The following TPM4 variants were observed in gnomAD, a reference collection of about 807,000 sequenced individuals.
TPM4 encodes the protein tropomyosin alpha-4 chain.
In TPM4, 17 loss-of-function variants were observed where a neutral mutation model predicts 35.8. The observed-to-expected ratio is 0.47, with a 90% CI of 0.32 to 0.71. The LOEUF (loss-of-function observed/expected upper bound fraction) is 0.71. TPM4 is among the 30% of genes least tolerant of loss of function. The pLI, the probability that TPM4 is intolerant of heterozygous loss-of-function variation, is 0.03. For synonymous variants in TPM4, 120 were observed against 122.9 expected (o/e 0.98, Z 0.15); for missense variants, 240 against 320.9 (o/e 0.75, Z 1.93).
At chr19:16,082,715 G>A (rs994564304) in intron 2 of TPM4, among the ~76,000 whole-genome samples, 2 of 152,072 alleles carry the variant, frequency 1.3e-5, no homozygotes, top group Non-Finnish European at 2.9e-5. Context: ...AGGTAGGCCG[G>A]ATGCAGTGAT....
chr19:16,074,007 TA>T (rs111848784), upstream of TPM4, among the ~76,000 whole-genome samples: 46,405 of 106,176 alleles, frequency 0.44, 9,100 homozygotes, highest in East Asian at 0.52. Context: ...AAGATCAGGT[TA>T]AAAAAAAAAA....
chr19:16,090,512 C>T (rs1367252856), intron 5 of TPM4, among the ~76,000 whole-genome samples: 1 of 151,872 alleles, frequency 6.6e-6, no homozygotes, highest in Non-Finnish European at 1.5e-5. Context: ...CCTTGGCCTC[C>T]CAAAGTGCTG....
At chr19:16,100,644 A>T (rs1036141274) in intron 7 of TPM4, 2 of 152,344 alleles carry the variant, frequency 1.3e-5, no homozygotes, top group South Asian at 2.1e-4. Context: ...ACATGGTGAG[A>T]CCCTGTCTCT....
chr19:16,070,370 A>G lies in TPM4; in HGVS notation c.114+2632A>G, dbSNP rs1187969000. On this transcript the variant is annotated intron_variant, in intron 2 of 2. Transcript: ENST00000589897. The surrounding 1 kb of genome is among the most constrained non-coding windows in gnomAD (Gnocchi z 7.4). ...CCCCTCCCACAGAGCCATGTTCCCC[A>G]CAATGTTTATCCACACCCCGATGTC... 6.6e-6 allele frequency among the ~76,000 whole-genome samples: 1 copy of G among 152,110 alleles called. No homozygotes were observed. The highest frequency in any genetic ancestry group is 1.9e-4 in the East Asian group (1 of 5,172).
At chr19:16,069,607 T>A (rs1170841643) in intron 2 of TPM4, among the ~76,000 whole-genome samples, 3 of 149,324 alleles carry the variant, frequency 2.0e-5, no homozygotes, top group Non-Finnish European at 4.5e-5. Flanking sequence ...TGAATGTGTG[T>A]TTCTGTTGCT....
chr19:16,076,088 G>A (rs1471161566), upstream of TPM4: 3 of 1,607,476 alleles, frequency 1.9e-6, no homozygotes, highest in East Asian at 6.7e-5. Context: ...AACTAAAAGG[G>A]ACAGAGGACG....
Position 16,088,217 on chromosome 19 carries a change from G to T in TPM4, c.455+120G>T, listed in dbSNP as rs1034790579. ...CTCTGCTCAAGTGGACGGGCGTCAG[G>T]GGCTCATGGCTCATCTTTTCTCTTG... On this transcript the variant is annotated intron_variant, in intron 4 of 7. Coordinates refer to ENST00000643579, the MANE Select transcript of TPM4 (RefSeq NM_003290.3). 2.7e-6 allele frequency: 4 copies of T among 1,456,102 alleles called. No homozygotes were observed. The East Asian group carries it at 1.0e-4, about 36-fold the overall frequency. 90.2% of individuals were successfully genotyped at this position (1,456,102 alleles called of 1,614,324 possible). A position where few individuals can be genotyped will look rare whatever the true frequency, so the allele number is the denominator to read the frequency against.
chr19:16,078,843 A>AAAAC (rs1555707582), intron 1 of TPM4, among the ~76,000 whole-genome samples: 9 of 151,922 alleles, frequency 5.9e-5, no homozygotes, highest in African/African-American at 1.7e-4. Context: ...AAAAAAAAAA[A>AAAAC]AAAAAACCTT....
At chr19:16,083,807 G>A (rs1424620387) in intron 2 of TPM4, among the ~76,000 whole-genome samples, 1 of 144,608 alleles carries the variant, frequency 6.9e-6, no homozygotes, top group Non-Finnish European at 1.5e-5. Flanking sequence ...CACCCAGGCT[G>A]GAATGTAGTG....
intron 1 of TPM4, chr19:16,078,070 G>A: frequency 2.5e-6 from 1 of 398,390 alleles, no homozygotes; most frequent in Non-Finnish European, 4.4e-6. Context: ...ACGGCGCCCA[G>A]CCTCAATTGT....
intron 4 of TPM4, 25 bp downstream of exon 4, chr19:16,088,122 G>A (rs533128638): frequency 5.7e-5 from 92 of 1,602,594 alleles, no homozygotes; most frequent in South Asian, 2.7e-4. Flanking sequence ...AGGACTGAGC[G>A]AGGCTGGCTC....
chr19:16,099,928 A>G (rs1214904800), intron 7 of TPM4: 2 of 152,202 alleles, frequency 1.3e-5, no homozygotes, highest in African/African-American at 2.4e-5. Flanking sequence ...CAGTTACACA[A>G]TTATGTGTAT....
Position 16,093,746 on chromosome 19 carries a change from C to T in TPM4, c.657C>T (p.Asp219=), listed in dbSNP as rs2090657305. 6.2e-7 allele frequency: 1 copy of T among 1,613,332 alleles called. No individual in the cohort carries two copies. The highest frequency in any genetic ancestry group is 8.5e-7 in the Non-Finnish European group (1 of 1,180,014). Residue 219 remains aspartate (D), a synonymous_variant, in exon 7 of 8, where the codon GAC becomes GAT. Coordinates refer to ENST00000643579, the MANE Select transcript of TPM4 (RefSeq NM_003290.3). The part of the protein sequence containing the change: ...TVAKLEKTID[D]LEEKLAQAKE... ...CAAAACTGGAAAAGACAATTGATGA[C>T]CTGGAAGGTATGAGGTTACCATCTA...
intron 1 of TPM4, chr19:16,077,469 T>TA (rs995895891): frequency 1.6e-4 from 24 of 152,190 alleles, no homozygotes; most frequent in African/African-American, 5.8e-4. Flanking sequence ...GGGCCCGAGA[T>TA]AAACAATGGG....
chr19:16,095,367 C>T (rs2090683211), intron 7 of TPM4: 1 of 1,034,362 alleles, frequency 9.7e-7, no homozygotes, highest in Non-Finnish European at 1.2e-6. Flanking sequence ...GGTCGCTGCC[C>T]TCTGTCCTTC....
At chr19:16,095,559 C>T in intron 7 of TPM4, 2 of 1,013,640 alleles carry the variant, frequency 2.0e-6, no homozygotes, top group Non-Finnish European at 2.4e-6. Flanking sequence ...TGAGCTGTAG[C>T]TGTGTGCCCT....
intron 1 of TPM4, among the ~76,000 whole-genome samples, chr19:16,077,759 T>C (rs2090429658): frequency 6.6e-6 from 1 of 151,960 alleles, no homozygotes; most frequent in South Asian, 2.1e-4. Flanking sequence ...AATTGTGTTG[T>C]TGTTTTTTGT....
intron 1 of TPM4, among the ~76,000 whole-genome samples, chr19:16,079,020 C>A (rs1007848038): frequency 6.6e-6 from 1 of 152,008 alleles, no homozygotes; most frequent in Non-Finnish European, 1.5e-5. Flanking sequence ...TCCTTTGTAG[C>A]GTGTGGAAGG....
chr19:16,076,515 G>A lies in TPM4; in HGVS notation c.-51G>A, dbSNP rs964365910. On this transcript the variant is annotated 5_prime_UTR_variant, in exon 1 of 8. Coordinates refer to ENST00000643579, the MANE Select transcript of TPM4 (RefSeq NM_003290.3). ...CGGCTGTGCAGCTCTCGCCGGAGCC[G>A]AGCCCAGCCGAGCGTCCGCCGCTGC... The A allele has an allele frequency of 1.2e-5, 17 of 1,387,222 alleles. No individual in the cohort carries two copies. Among genetic ancestry groups the A allele is most frequent in the African/African-American group, 7.6e-5 (5 of 65,912 alleles). 85.9% of individuals were successfully genotyped at this position (1,387,222 alleles called of 1,614,324 possible).
Sources: gnomAD v4.1 joint callset for allele counts (sites outside exome capture counted in the v4.1 genomes callset) on GRCh38, gnomAD v4.1.1 for gene constraint, Gnocchi (gnomAD v3.1) non-coding constraint, MANE v1.5 for transcripts, NCBI Gene and HGNC (gene_info 2026-07-23, HGNC 2026-07-21) for gene names.